The following SIL1 variants were observed in gnomAD, a reference collection of about 807,000 sequenced individuals.
SIL1 encodes the protein nucleotide exchange factor SIL1.
SIL1 carries 40 observed loss-of-function variants against 49.1 expected under a neutral mutation model. The observed-to-expected ratio is 0.81, with a 90% CI of 0.63 to 1.06. The LOEUF is 1.06. Among genes scored for constraint, SIL1 ranks in the 50% least tolerant of loss-of-function variants. The pLI, the probability that SIL1 is intolerant of heterozygous loss-of-function variation, is 0.00. For synonymous variants in SIL1, 253 were observed against 250.8 expected (o/e 1.01, Z -0.08); for missense variants, 500 against 572.6 (o/e 0.87, Z 1.29).
chr5:139,155,448 T>TGAGAGAGAGAGAGAGACAGAGAGA lies in SIL1; in HGVS notation c.-10-27596_-10-27595insTCTCTCTGTCTCTCTCTCTCTCTC, dbSNP rs1751387500. 2.4e-5 allele frequency: 3 copies of TGAGAGAGAGAGAGAGACAGAGAGA among 125,910 alleles called. No individual in the cohort carries two copies. In the South Asian group the frequency reaches 8.7e-4, roughly 37 times the overall value. The allele number at this position is 125,910 out of a possible 1,614,324, so 7.8% of individuals were successfully genotyped here. ...AGTATACACACACACGTACACAGAGTGAGAGAGAGAGAGAGAGAGAGAGAG... is the reference window on the plus strand; with the variant it reads ...AGTATACACACACACGTACACAGAGTGAGAGAGAGAGAGAGACAGAGAGAGAGAGAGAGAGAGAGAGAGAGAGAG... On this transcript the variant is annotated intron_variant, in intron 1 of 9. Transcript: ENST00000394817.
At chr5:139,180,185 C>A (rs1340313054) in intron 1 of SIL1, among the ~76,000 whole-genome samples, 1 of 151,684 alleles carries the variant, frequency 6.6e-6, no homozygotes, top group Non-Finnish European at 1.5e-5. Context: ...TCAAGACCAG[C>A]CTGACCAACA....
intron 3 of SIL1, among the ~76,000 whole-genome samples, chr5:139,086,611 C>T (rs1034904513): frequency 2.6e-5 from 4 of 151,838 alleles, no homozygotes; most frequent in Admixed American, 2.0e-4. Context: ...CCTGCCTCGG[C>T]CTCCCAAAGT....
intron 1 of SIL1, among the ~76,000 whole-genome samples, chr5:139,152,885 C>T (rs1415465402): frequency 6.6e-6 from 1 of 152,206 alleles, no homozygotes; most frequent in Non-Finnish European, 1.5e-5. Context: ...ATGGCGCGAT[C>T]TCAGCTCACC....
chr5:138,966,510 G>C (rs1767144799), intron 7 of SIL1, among the ~76,000 whole-genome samples: 3 of 152,084 alleles, frequency 2.0e-5, no homozygotes, highest in Admixed American at 2.0e-4. Flanking sequence ...GGCGGGTGTA[G>C]GGGGGTGGTG....
intron 7 of SIL1, among the ~76,000 whole-genome samples, chr5:138,972,555 G>C (rs1049736874): frequency 6.6e-6 from 1 of 152,152 alleles, no homozygotes; most frequent in South Asian, 2.1e-4. Context: ...AGACAAGAAA[G>C]CTCCTCCTTC....
At chr5:139,154,486 T>C (rs1250106669) in intron 1 of SIL1, among the ~76,000 whole-genome samples, 3 of 152,242 alleles carry the variant, frequency 2.0e-5, no homozygotes, top group Non-Finnish European at 1.5e-5. Flanking sequence ...TGAGCACCCC[T>C]GTGAGCCAAG....
At chr5:138,982,613 A>G (rs148938793) in intron 7 of SIL1, among the ~76,000 whole-genome samples, 1 of 152,314 alleles carries the variant, frequency 6.6e-6, no homozygotes, top group African/African-American at 2.4e-5. Flanking sequence ...CCCCACTTCA[A>G]GTAAAGGGCA....
chr5:139,133,267 A>G (rs760873760), intron 1 of SIL1: 1 of 152,124 alleles, frequency 6.6e-6, no homozygotes, highest in Non-Finnish European at 1.5e-5. Flanking sequence ...TGAGATGCCC[A>G]TTTTTCTATC....
intron 3 of SIL1, among the ~76,000 whole-genome samples, chr5:139,100,385 A>G (rs1033494227): frequency 2.0e-5 from 3 of 152,168 alleles, no homozygotes; most frequent in Non-Finnish European, 4.4e-5. Flanking sequence ...AGAGGAGAGG[A>G]AATATAAGGG....
chr5:139,164,210 C>T (rs948029452), intron 1 of SIL1, among the ~76,000 whole-genome samples: 2 of 152,034 alleles, frequency 1.3e-5, no homozygotes, highest in African/African-American at 4.8e-5. Flanking sequence ...AAAGGCCACG[C>T]AACATGTACA....
intron 7 of SIL1, among the ~76,000 whole-genome samples, chr5:138,979,950 G>C (rs752919815): frequency 2.0e-5 from 3 of 152,174 alleles, no homozygotes; most frequent in Non-Finnish European, 2.9e-5. Flanking sequence ...CAGCCACCCG[G>C]GTGAGCAAAA....
At chr5:139,025,007 C>T (rs541707456) in intron 6 of SIL1, among the ~76,000 whole-genome samples, 3 of 152,192 alleles carry the variant, frequency 2.0e-5, no homozygotes, top group Non-Finnish European at 4.4e-5. Flanking sequence ...GTTCCTATCT[C>T]GCCATAGTTT....
At chr5:138,952,155 G>T (rs2150378285) in intron 7 of SIL1, among the ~76,000 whole-genome samples, 1 of 152,364 alleles carries the variant, frequency 6.6e-6, no homozygotes, top group East Asian at 1.9e-4. Flanking sequence ...CTGGGAAGGT[G>T]AACAACCTCT....
At chr5:139,051,348 T>C (rs1769279837) in intron 3 of SIL1, 1 of 437,758 alleles carries the variant, frequency 2.3e-6, no homozygotes, top group Non-Finnish European at 4.2e-6. Flanking sequence ...CTATGTCTTC[T>C]TGAGCTAATA....
Position 138,947,556 on chromosome 5 carries a change from G to T in SIL1, c.1030-83C>A. 8.0e-7 allele frequency: 1 copy of T among 1,253,720 alleles called. No homozygotes were observed. The highest frequency in any genetic ancestry group is 1.2e-6 in the Non-Finnish European group (1 of 853,972). The allele number at this position is 1,253,720 out of a possible 1,614,324, so 77.7% of individuals were successfully genotyped here. A position where few individuals can be genotyped will look rare whatever the true frequency, so the allele number is the denominator to read the frequency against. ...GGAGCAGTTAGCTCACACCTGGCTA[G>T]CTCTGCCCTTCAGACAGGAAGGCAC... On this transcript the variant is annotated intron_variant, in intron 9 of 9. Coordinates refer to ENST00000394817, the MANE Select transcript of SIL1 (RefSeq NM_022464.5). This position sits in a 1 kb window ranked among gnomAD's most constrained non-coding sequence, Gnocchi z 4.1.
chr5:139,035,439 G>A (rs1202342958), intron 5 of SIL1: 3 of 539,730 alleles, frequency 5.6e-6, no homozygotes, highest in South Asian at 4.2e-5. Flanking sequence ...CTCAATCAGG[G>A]CCTGTCTGTT....
chr5:139,028,561 T>C (rs919867123), intron 5 of SIL1, among the ~76,000 whole-genome samples: 2 of 152,022 alleles, frequency 1.3e-5, no homozygotes, highest in Non-Finnish European at 2.9e-5. Context: ...TACTTTGAAA[T>C]AATTATAAAT....
At chr5:139,183,668 G>A (rs960186362) in intron 1 of SIL1, among the ~76,000 whole-genome samples, 5 of 152,174 alleles carry the variant, frequency 3.3e-5, no homozygotes, top group Non-Finnish European at 4.4e-5. Flanking sequence ...ACAGGGAAGC[G>A]GATGATTCAC....
intron 1 of SIL1, among the ~76,000 whole-genome samples, chr5:139,134,359 C>T (rs1350774122): frequency 1.3e-5 from 2 of 152,154 alleles, no homozygotes; most frequent in East Asian, 3.8e-4. Context: ...TGGTCTCGAA[C>T]TCCTGGGCTC....
Sources: allele counts gnomAD v4.1 joint callset (sites outside exome capture counted in the v4.1 genomes callset), GRCh38; gene constraint gnomAD v4.1.1; non-coding constraint Gnocchi (gnomAD v3.1); transcripts MANE v1.5; gene names NCBI Gene and HGNC (gene_info 2026-07-23, HGNC 2026-07-21).